The following RELN variants were observed in gnomAD, a reference collection of about 807,000 sequenced individuals.
The protein encoded by RELN is reelin.
RELN carries 108 observed loss-of-function variants against 427.6 expected under a neutral mutation model. The observed-to-expected ratio is 0.25, with a 90% confidence interval of 0.22 to 0.30. RELN has a LOEUF of 0.30. RELN is among the 10% of genes least tolerant of loss of function. The probability of loss-of-function intolerance (pLI) is 1.00; values close to 1 mark genes in which losing one functional copy is unlikely to be tolerated. For missense variants in RELN, 3,715 were observed against 4,302.8 expected, an observed-to-expected ratio of 0.86 and a Z score of 3.82; for synonymous variants, 1,524 against 1,513.4, an observed-to-expected ratio of 1.01 and a Z score of -0.16.
intron 26 of RELN, among the ~76,000 whole-genome samples, 183 bp from the exon 27 acceptor site, chr7:103,594,065 T>C (rs1336227120): frequency 6.6e-6 from 1 of 152,224 alleles, no homozygotes; most frequent in African/African-American, 2.4e-5. Context: ...ACTGAAAGTA[T>C]TTTACCACTG....
At chr7:103,700,633 C>A (rs1314572141) in intron 9 of RELN, among the ~76,000 whole-genome samples, 2 of 151,986 alleles carry the variant, frequency 1.3e-5, no homozygotes, top group South Asian at 4.2e-4. Context: ...GTGGAGAATG[C>A]TATCAAAAAA....
intron 59 of RELN, among the ~76,000 whole-genome samples, chr7:103,490,136 A>G (rs1401601699): frequency 6.6e-6 from 1 of 152,184 alleles, no homozygotes; most frequent in Non-Finnish European, 1.5e-5. Flanking sequence ...TGAATTTCCT[A>G]TTCTAGTCCA....
rs1300220499 is a variant in RELN at position 103,661,538 on chromosome 7, A to AT, written c.1290-12_1290-11insA. 6.2e-7 allele frequency: 1 copy of AT among 1,610,296 alleles called. No homozygotes were observed. The highest frequency in any genetic ancestry group is 8.5e-7 in the Non-Finnish European group (1 of 1,177,216). The stretch of plus-strand genomic sequence containing the variant: ...CCCAAGACATCCCATCTAAAAAAAA[A>AT]GGGGGATTAAGAGTTAGAGTTAGAA... On this transcript the variant is annotated splice_polypyrimidine_tract_variant and intron_variant, in intron 11 of 64. Coordinates refer to ENST00000428762, the MANE Select transcript of RELN (RefSeq NM_005045.4).
At chr7:103,578,271 A>C (rs959108567) in intron 28 of RELN, among the ~76,000 whole-genome samples, 1 of 152,132 alleles carries the variant, frequency 6.6e-6, no homozygotes, top group Non-Finnish European at 1.5e-5. Flanking sequence ...ATGCACTGTT[A>C]TATGTTTGAG....
chr7:103,754,377 G>T (rs1791080186), intron 4 of RELN, among the ~76,000 whole-genome samples: 1 of 151,918 alleles, frequency 6.6e-6, no homozygotes, highest in East Asian at 1.9e-4. Context: ...CTGAACTACA[G>T]CTAGGAGGGA....
intron 3 of RELN, 80 bp from the exon 4 acceptor site, chr7:103,776,707 C>A: frequency 7.3e-7 from 1 of 1,376,912 alleles, no homozygotes; most frequent in Non-Finnish European, 1.0e-6. Context: ...TTTTAAAAAG[C>A]TTATTCTTAA....
chr7:103,935,191 G>A (rs1795953894), intron 1 of RELN, among the ~76,000 whole-genome samples: 1 of 152,156 alleles, frequency 6.6e-6, no homozygotes, highest in Non-Finnish European at 1.5e-5. Flanking sequence ...TTTTGTAAGT[G>A]ATCAAATGTG....
intron 6 of RELN, among the ~76,000 whole-genome samples, chr7:103,729,253 T>C (rs1790291991): frequency 6.6e-6 from 1 of 152,102 alleles, no homozygotes; most frequent in Admixed American, 6.6e-5. Context: ...ACTATGCCCT[T>C]TGTTTAGGAG....
chr7:103,970,970 G>A (rs13438204), intron 1 of RELN, among the ~76,000 whole-genome samples: 24,955 of 152,012 alleles, frequency 0.16, 2,128 homozygotes, highest in Middle Eastern at 0.29. Flanking sequence ...AGCCTGGCCA[G>A]CGTGGCAAAA....
chr7:103,846,188 A>T (rs1202000847), intron 2 of RELN, among the ~76,000 whole-genome samples: 1 of 152,196 alleles, frequency 6.6e-6, no homozygotes, highest in Non-Finnish European at 1.5e-5. Flanking sequence ...CTATACTACA[A>T]GGCTACGGTA....
At chr7:103,577,372 T>A (rs886426570) in intron 28 of RELN, among the ~76,000 whole-genome samples, 2 of 152,178 alleles carry the variant, frequency 1.3e-5, no homozygotes, top group Non-Finnish European at 2.9e-5. Flanking sequence ...GTAATGTTGT[T>A]TATTAGGTTT....
chr7:103,672,401 T>C lies in RELN; in HGVS notation c.1289+9715A>G, dbSNP rs1833413919. Reference sequence around the variant, plus strand: ...ATTAAAGAAGGGCTCAGGACTTCTATGAAGGAGCTCCAGAACAACTCCGGC... The same window carrying C: ...ATTAAAGAAGGGCTCAGGACTTCTACGAAGGAGCTCCAGAACAACTCCGGC... On this transcript the variant is annotated intron_variant, in intron 11 of 64. Transcript: ENST00000428762. 2.0e-5 allele frequency among the ~76,000 whole-genome samples: 3 copies of C among 152,296 alleles called. No homozygotes were observed. The South Asian group carries it at 6.2e-4, about 32-fold the overall frequency.
chr7:103,694,576 A>G (rs1037474650), intron 10 of RELN, among the ~76,000 whole-genome samples: 1 of 152,080 alleles, frequency 6.6e-6, no homozygotes, highest in Non-Finnish European at 1.5e-5. Context: ...GTGTTCAATA[A>G]AAAGTAGCTT....
At chr7:103,496,843 A>G (rs1828857064) in intron 55 of RELN, 75 bp from the exon 56 acceptor site, 1 of 1,525,458 alleles carries the variant, frequency 6.6e-7, no homozygotes, top group Non-Finnish European at 9.0e-7. Context: ...AGTATACTTC[A>G]GATACTGTGA....
chr7:103,526,737 C>T (rs968948226), intron 46 of RELN, among the ~76,000 whole-genome samples: 2 of 152,132 alleles, frequency 1.3e-5, no homozygotes, highest in African/African-American at 4.8e-5. Context: ...GCTTCCCTGT[C>T]AGTAAACCAG....
Position 103,515,433 on chromosome 7 carries a change from T to A in RELN, c.7871A>T (p.Asn2624Ile), listed in dbSNP as rs1408674115. The A allele has an allele frequency of 1.9e-6, 3 of 1,613,948 alleles. No homozygotes were observed. The highest frequency in any genetic ancestry group is 2.5e-6 in the Non-Finnish European group (3 of 1,180,054). ...TTTAGCATCAGGAGGGAGAAGGATATTCACAAATCTATAGGAAAATGATGG... is the reference window on the plus strand; with the variant it reads ...TTTAGCATCAGGAGGGAGAAGGATAATCACAAATCTATAGGAAAATGATGG... ...YDQYSKPGFV[N>I]ILLPPDAKEI... Residue 2624 changes from asparagine (N) to isoleucine (I), a missense_variant, in exon 50 of 65, where the codon AAT (asparagine) becomes ATT (isoleucine). Transcript: ENST00000428762.
chr7:103,890,860 G>T (rs1794833549), intron 2 of RELN, among the ~76,000 whole-genome samples: 1 of 152,142 alleles, frequency 6.6e-6, no homozygotes, highest in Admixed American at 6.5e-5. Flanking sequence ...GGCAGATAAT[G>T]AGGTCAGGAG....
At chr7:103,483,935 A>G (rs1828333795) in intron 61 of RELN, 85 bp from the exon 62 acceptor site, 1 of 1,348,046 alleles carries the variant, frequency 7.4e-7, no homozygotes. Context: ...GCTGGAGTAC[A>G]GTGGTGTGAT....
chr7:103,597,830 AAT>A (rs1267165024), intron 24 of RELN, among the ~76,000 whole-genome samples: 2 of 152,152 alleles, frequency 1.3e-5, no homozygotes, highest in African/African-American at 4.8e-5. Flanking sequence ...GTCAGACAGA[AAT>A]TAACAAGGTT....
Sources: allele counts gnomAD v4.1 joint callset (sites outside exome capture counted in the v4.1 genomes callset), GRCh38; gene constraint gnomAD v4.1.1; transcripts MANE v1.5; gene names NCBI Gene and HGNC (gene_info 2026-07-23, HGNC 2026-07-21).